Variants in FHL2 observed in about 807,000 individuals in gnomAD.
FHL2 encodes four and a half LIM domains 2, also known as four and a half LIM domains protein 2.
In FHL2, 20 loss-of-function variants were observed where a neutral mutation model predicts 32.7. That is an observed-to-expected ratio of 0.61 (90% CI 0.43 to 0.89). FHL2 has a LOEUF of 0.89. Ranked by LOEUF, FHL2 falls within the 40% of genes least tolerant of loss-of-function variation. The pLI, the probability that FHL2 is intolerant of heterozygous loss-of-function variation, is 0.00. For missense variants in FHL2, 311 were observed against 358.6 expected, an observed-to-expected ratio of 0.87 and a Z score of 1.07; for synonymous variants, 123 against 128.1, an observed-to-expected ratio of 0.96 and a Z score of 0.27.
At position 105,391,793 on chromosome 2, in the gene FHL2, T is replaced by G. The variant is rs535907761; in HGVS notation, c.-25+4854A>C. Among the ~76,000 whole-genome samples the G allele has an allele frequency of 6.6e-5, 10 of 152,354 alleles. No homozygotes were observed. The East Asian group carries it at 1.7e-3, about 26-fold the overall frequency. ...AATTGTGTACAATCCATTTACTCTC[T>G]GTGAACTCCACATCCCTCCTGACAG... On this transcript the variant is annotated intron_variant, in intron 2 of 6. Transcript: ENST00000530340.
chr2:105,360,315 AAAAAG>A (rs1680169069), downstream of FHL2: 2 of 151,690 alleles, frequency 1.3e-5, no homozygotes, highest in Non-Finnish European at 2.9e-5. Context: ...AAAAAAAAAA[AAAAAG>A]GGAGAGAAGG....
chr2:105,373,793 C>A, intron 3 of FHL2, 60 bp from the exon 4 acceptor site: 2 of 1,573,772 alleles, frequency 1.3e-6, no homozygotes, highest in Non-Finnish European at 1.7e-6. Context: ...GGACCCACAG[C>A]ATAGGGGCCC....
Position 105,361,199 on chromosome 2 carries a change from C to G in FHL2, c.*84G>C. 7.0e-7 allele frequency: 1 copy of G among 1,434,224 alleles called. No homozygotes were observed. Among genetic ancestry groups the G allele is most frequent in the Non-Finnish European group, 9.6e-7 (1 of 1,044,996 alleles). 88.8% of individuals were successfully genotyped at this position (1,434,224 alleles called of 1,614,324 possible). A position where few individuals can be genotyped will look rare whatever the true frequency, so the allele number is the denominator to read the frequency against. On this transcript the variant is annotated 3_prime_UTR_variant, in exon 7 of 7. Transcript: ENST00000530340. ...AAAGTCTCAATGTGGCTGGAAGAAA[C>G]CAGAAGGCAAGATTGCCTGGGTGAG...
chr2:105,361,994 T>C (rs2679887), intron 6 of FHL2, among the ~76,000 whole-genome samples: 21,010 of 152,214 alleles, frequency 0.14, 1,809 homozygotes, highest in South Asian at 0.24. Flanking sequence ...GGTACATTGG[T>C]CCGTGATTAT....
chr2:105,386,470 C>A lies in FHL2; in HGVS notation c.47G>T (p.Gly16Val). The stretch of plus-strand genomic sequence containing the variant: ...CTCCTCCCGCAGGATGTACTTCTTG[C>A]CAAAGAGAGATTCGTTGCAATGGTG... Reference protein sequence around the residue: ...DCHHCNESLFGKKYILREESP... With the variant: ...DCHHCNESLFVKKYILREESP... Residue 16 changes from glycine (G) to valine (V), a missense_variant, in exon 3 of 7, where the codon GGC (glycine) becomes GTC (valine). By Grantham distance (109) the Gly-to-Val change is moderately radical (BLOSUM62 -3). Coordinates refer to ENST00000530340, the MANE Select transcript of FHL2 (RefSeq NM_001318895.3). 6.2e-7 allele frequency: 1 copy of A among 1,614,182 alleles called. No homozygotes were observed. Among genetic ancestry groups the A allele is most frequent in the Non-Finnish European group, 8.5e-7 (1 of 1,180,028 alleles).
At chr2:105,377,869 GT>G (rs1463824307) in intron 3 of FHL2, 1 of 364,450 alleles carries the variant, frequency 2.7e-6, no homozygotes, top group Admixed American at 3.8e-5. Context: ...TGGGAAGATA[GT>G]TGCTTTTTAC....
chr2:105,362,949 T>G lies in FHL2; in HGVS notation c.688+336A>C, dbSNP rs912006979. 3.6e-5 allele frequency: 10 copies of G among 281,048 alleles called. No individual in the cohort carries two copies. The East Asian group carries it at 7.7e-4, about 22-fold the overall frequency. The allele number at this position is 281,048 out of a possible 1,614,324, so 17.4% of individuals were successfully genotyped here. On this transcript the variant is annotated intron_variant, in intron 6 of 6. Coordinates refer to ENST00000530340, the MANE Select transcript of FHL2 (RefSeq NM_001318895.3). ...GACACTTCTAAGAACACAGCACAGC[T>G]GCTAAGCCTGAAAAGGCCAGTTTTT...
chr2:105,384,040 C>T (rs1311626510), intron 3 of FHL2, among the ~76,000 whole-genome samples: 1 of 152,146 alleles, frequency 6.6e-6, no homozygotes, highest in East Asian at 1.9e-4. Flanking sequence ...GGAAGGATGA[C>T]GGCTTTTAAG....
intron 1 of FHL2, among the ~76,000 whole-genome samples, chr2:105,422,992 G>T (rs866259033): frequency 2.6e-5 from 4 of 152,106 alleles, no homozygotes; most frequent in African/African-American, 7.2e-5. Context: ...CAGCTCAGAC[G>T]GCATGGGAAC....
intron 1 of FHL2, among the ~76,000 whole-genome samples, chr2:105,405,008 ACT>A (rs142166065): frequency 0.014 from 2,191 of 152,150 alleles, 27 homozygotes; most frequent in South Asian, 0.043. Flanking sequence ...TTTAAGAAAG[ACT>A]CTGTTTGGTA....
intron 2 of FHL2, among the ~76,000 whole-genome samples, chr2:105,393,560 G>A (rs1682888112): frequency 6.6e-6 from 1 of 152,156 alleles, no homozygotes; most frequent in Non-Finnish European, 1.5e-5. Context: ...ATTGGGAAGG[G>A]TGCCCACTAC....
intron 4 of FHL2, among the ~76,000 whole-genome samples, chr2:105,370,179 C>T (rs1680931366): frequency 6.6e-6 from 1 of 152,052 alleles, no homozygotes; most frequent in Non-Finnish European, 1.5e-5. Flanking sequence ...TGGCGACCAG[C>T]CTGGGCAACA....
In FHL2 at chr2:105,367,731, T is replaced by C. The variant is rs765271517; in HGVS notation, c.340A>G (p.Lys114Glu). The C allele has an allele frequency of 2.5e-6, 4 of 1,613,650 alleles. No homozygotes were observed. The highest frequency in any genetic ancestry group is 2.2e-5 in the East Asian group (1 of 44,854). The part of the protein sequence containing the change: ...CKKTIMPGTR[K>E]MEYKGSSWHE... Reference sequence around the variant, plus strand: ...CAGCTGCTGCCCTTGTACTCCATCTTGCGGGTACCTGTCATCAGGGTCAAG... The same window carrying C: ...CAGCTGCTGCCCTTGTACTCCATCTCGCGGGTACCTGTCATCAGGGTCAAG... The change falls in exon 5 of 7, where the codon AAG becomes GAG. Residue 114 changes from lysine to glutamate, a missense_variant. Transcript: ENST00000530340.
chr2:105,398,182 G>C (rs1683274997), intron 1 of FHL2, among the ~76,000 whole-genome samples: 1 of 152,028 alleles, frequency 6.6e-6, no homozygotes, highest in African/African-American at 2.4e-5. Flanking sequence ...CCCGACTGAG[G>C]ATATGAAAAT....
chr2:105,385,568 C>A (rs1411888079), intron 3 of FHL2, among the ~76,000 whole-genome samples: 1 of 152,200 alleles, frequency 6.6e-6, no homozygotes, highest in Non-Finnish European at 1.5e-5. Context: ...CATTTTGTAG[C>A]CAGTTTCACG....
chr2:105,358,566 G>A (rs772213941), downstream of FHL2: 3 of 152,288 alleles, frequency 2.0e-5, no homozygotes, highest in Non-Finnish European at 2.9e-5. Flanking sequence ...GGGATAGGAT[G>A]AGGCTGTGGC....
chr2:105,433,524 C>G (rs1411329606), intron 1 of FHL2, among the ~76,000 whole-genome samples: 20 of 152,162 alleles, frequency 1.3e-4, no homozygotes, highest in Non-Finnish European at 2.9e-4. Context: ...GGAGACTTTT[C>G]CAAGTTTCTA....
intron 3 of FHL2, among the ~76,000 whole-genome samples, chr2:105,382,087 A>G (rs192051209): frequency 1.7e-3 from 252 of 152,340 alleles, no homozygotes; most frequent in African/African-American, 5.6e-3. Context: ...CTGCCAAAAT[A>G]TCACTGAACA....
chr2:105,424,881 G>T (rs1214875369), intron 1 of FHL2, among the ~76,000 whole-genome samples: 1 of 152,176 alleles, frequency 6.6e-6, no homozygotes, highest in South Asian at 2.1e-4. Flanking sequence ...GGGAGTGGGG[G>T]CCTGGGAGAG....
Sources: gnomAD v4.1 joint callset for allele counts (sites outside exome capture counted in the v4.1 genomes callset) on GRCh38, gnomAD v4.1.1 for gene constraint, MANE v1.5 for transcripts, NCBI Gene and HGNC (gene_info 2026-07-23, HGNC 2026-07-21) for gene names.